RSPH3: variants seen among roughly 807,000 people sequenced by gnomAD.
RSPH3 encodes radial spoke head protein 3 homolog.
A neutral mutation model predicts 43.8 loss-of-function variants in RSPH3; 21 were observed. The observed-to-expected ratio is 0.48, with a 90% CI of 0.34 to 0.69. RSPH3 has a LOEUF of 0.69. Ranked by LOEUF, RSPH3 falls within the 30% of genes least tolerant of loss-of-function variation. The pLI, the probability that RSPH3 is intolerant of heterozygous loss-of-function variation, is 0.01. For synonymous variants in RSPH3, 173 were observed against 179.8 expected, an observed-to-expected ratio of 0.96 and a Z score of 0.30; for missense variants, 487 against 516.0, an observed-to-expected ratio of 0.94 and a Z score of 0.54.
chr6:158,978,067 A>G (rs1777908943), intron 7 of RSPH3, among the ~76,000 whole-genome samples, 193 bp downstream of exon 7: 1 of 152,270 alleles, frequency 6.6e-6, no homozygotes, highest in Non-Finnish European at 1.5e-5. Context: ...GTAATGGCAG[A>G]AGATATTAAT....
At chr6:158,992,291 G>GT (rs1290491670) in intron 2 of RSPH3, among the ~76,000 whole-genome samples, 5 of 151,822 alleles carry the variant, frequency 3.3e-5, no homozygotes, top group African/African-American at 1.2e-4. Flanking sequence ...TTTTGTTTTT[G>GT]TTTTTTGAGA....
chr6:158,990,124 G>A (rs1248766158), intron 2 of RSPH3, among the ~76,000 whole-genome samples: 1 of 152,116 alleles, frequency 6.6e-6, no homozygotes, highest in Non-Finnish European at 1.5e-5. Flanking sequence ...TCCTCAGCCT[G>A]CAGATGGCCT....
At chr6:158,991,386 T>A (rs556062865) in intron 2 of RSPH3, among the ~76,000 whole-genome samples, 6 of 152,164 alleles carry the variant, frequency 3.9e-5, no homozygotes, top group Non-Finnish European at 7.4e-5. Flanking sequence ...CTGAGTGGGG[T>A]TGGAAGTTCA....
chr6:158,966,432 A>G, the RSPH3 span, among the ~76,000 whole-genome samples: 9 of 152,182 alleles, frequency 5.9e-5, no homozygotes, highest in Non-Finnish European at 1.3e-4. Context: ...ACTAGAATTC[A>G]TCGGTGAAGC....
At chr6:158,980,256 G>A (rs1039058128) in intron 6 of RSPH3, among the ~76,000 whole-genome samples, 2 of 152,196 alleles carry the variant, frequency 1.3e-5, no homozygotes, top group East Asian at 1.9e-4. Context: ...GCGAAACCCC[G>A]TCTCTACTAA....
downstream of RSPH3, among the ~76,000 whole-genome samples, chr6:158,972,047 A>C (rs1021966392): frequency 1.3e-5 from 2 of 152,184 alleles, no homozygotes; most frequent in African/African-American, 4.8e-5. Context: ...ATTGGGGTAC[A>C]TGATAGGGCT....
In RSPH3 at chr6:158,982,550, G is replaced by T; in HGVS notation, c.631C>A (p.Arg211=). 6.2e-7 allele frequency: 1 copy of T among 1,613,154 alleles called. No individual in the cohort carries two copies. The highest frequency in any genetic ancestry group is 1.1e-5 in the South Asian group (1 of 91,014). ...RASQREYEEL[R]NSERAEVQRL... is the part of the protein sequence containing the mutation. Reference sequence around the variant, plus strand: ...TGAACTTCAGCACGTTCACTATTCCGTAGTTCTTCATACTCACGCTGACTG... The same window carrying T: ...TGAACTTCAGCACGTTCACTATTCCTTAGTTCTTCATACTCACGCTGACTG... The change falls in exon 5 of 8, where the codon CGG becomes AGG. Residue 211 remains arginine, a synonymous_variant. Transcript: ENST00000367069.
Position 158,986,191 on chromosome 6 carries a change from A to AT in RSPH3, c.346+88dup, listed in dbSNP as rs956618641. 4.4e-5 allele frequency: 56 copies of AT among 1,269,916 alleles called. 1 individual carries two copies. The highest frequency in any genetic ancestry group is 7.4e-5 in the African/African-American group (5 of 67,442). 78.7% of individuals were successfully genotyped at this position (1,269,916 alleles called of 1,614,324 possible). ...AAGTATCAGAGAGCACAGGAGAGGC[A>AT]TAAGTAATACAAAGGCCAAATAAAA... On this transcript the variant is annotated intron_variant, in intron 3 of 7. Transcript: ENST00000367069.
chr6:158,984,573 C>T (rs1361660596), intron 3 of RSPH3, among the ~76,000 whole-genome samples: 1 of 150,198 alleles, frequency 6.7e-6, no homozygotes, highest in Non-Finnish European at 1.5e-5. Context: ...ATTCCCTCTA[C>T]ACTACAGATT....
intron 7 of RSPH3, 112 bp from the exon 8 acceptor site, chr6:158,977,960 T>C: frequency 2.3e-6 from 2 of 888,404 alleles, no homozygotes; most frequent in Non-Finnish European, 3.4e-6. Flanking sequence ...GCCTCATCTC[T>C]TTCCTATGTC....
chr6:159,000,144 G>C lies in RSPH3; in HGVS notation c.-594C>G. On this transcript the variant is annotated 5_prime_UTR_variant, in exon 1 of 8. Transcript: ENST00000367069. The stretch of plus-strand genomic sequence containing the variant: ...GCAGCAGCGCTCCCAGGCTGCCCCC[G>C]CGATAACACGCCCCTGGCAGCCAGG... 4.5e-6 allele frequency: 3 copies of C among 659,448 alleles called. No homozygotes were observed. The highest frequency in any genetic ancestry group is 7.3e-6 in the Non-Finnish European group (3 of 410,758). The allele number at this position is 659,448 out of a possible 1,614,324, so 40.8% of individuals were successfully genotyped here. A position where few individuals can be genotyped will look rare whatever the true frequency, so the allele number is the denominator to read the frequency against.
downstream of RSPH3, among the ~76,000 whole-genome samples, chr6:158,968,861 G>A (rs149415849): frequency 9.2e-5 from 14 of 151,620 alleles, no homozygotes; most frequent in East Asian, 1.8e-3. Context: ...ACAGGTGTGC[G>A]CCACCACACC....
chr6:158,981,201 G>A (rs1451785677), intron 5 of RSPH3, among the ~76,000 whole-genome samples: 1 of 152,142 alleles, frequency 6.6e-6, no homozygotes, highest in Non-Finnish European at 1.5e-5. Context: ...ATGCTTGACA[G>A]TATAGATGGT....
chr6:158,980,939 G>A lies in RSPH3; in HGVS notation c.697-3C>T. Reference sequence around the variant, plus strand: ...CACTGCTGTTTCTTACGCCGTTCCTGCCAAGAACGACAGAGGTGGTTATTT... The same window carrying A: ...CACTGCTGTTTCTTACGCCGTTCCTACCAAGAACGACAGAGGTGGTTATTT... On this transcript the variant is annotated splice_region_variant and splice_polypyrimidine_tract_variant and intron_variant, in intron 5 of 7. Coordinates refer to ENST00000367069, the MANE Select transcript of RSPH3 (RefSeq NM_031924.8). The A allele has an allele frequency of 6.2e-7, 1 of 1,613,736 alleles. No individual in the cohort carries two copies. The highest frequency in any genetic ancestry group is 8.5e-7 in the Non-Finnish European group (1 of 1,179,732).
chr6:158,968,006 A>T (rs552975030), downstream of RSPH3, among the ~76,000 whole-genome samples: 2,706 of 152,230 alleles, frequency 0.018, 33 homozygotes, highest in Middle Eastern at 0.024. Flanking sequence ...GGTTATTTTT[A>T]ATAAAAACCC....
chr6:158,994,006 G>A (rs1778508108), intron 1 of RSPH3, 80 bp from the exon 2 acceptor site: 2 of 708,300 alleles, frequency 2.8e-6, no homozygotes, highest in African/African-American at 1.8e-5. Context: ...ATAGGATTTA[G>A]ACTAAAATCA....
At position 158,993,931 on chromosome 6, in the gene RSPH3, A is replaced by G; in HGVS notation, c.117-5T>C. 6.4e-7 allele frequency: 1 copy of G among 1,568,772 alleles called. No homozygotes were observed. The highest frequency in any genetic ancestry group is 8.8e-7 in the Non-Finnish European group (1 of 1,139,610). On this transcript the variant is annotated splice_region_variant and splice_polypyrimidine_tract_variant and intron_variant, in intron 1 of 7. Transcript: ENST00000367069. ...TAATGCATAGGTTCTTCATCTCTGT[A>G]AAACAGAAAATTCTGTATAACCACT...
chr6:158,981,927 C>A (rs1204233528), intron 5 of RSPH3, among the ~76,000 whole-genome samples: 1 of 152,146 alleles, frequency 6.6e-6, no homozygotes, highest in East Asian at 1.9e-4. Context: ...TGTAAAAAAA[C>A]TGGATTGTAA....
At position 158,978,247 on chromosome 6, in the gene RSPH3, T is replaced by C. The variant is rs765864210; in HGVS notation, c.946+13A>G. The C allele has an allele frequency of 7.8e-6, 11 of 1,401,446 alleles. No individual in the cohort carries two copies. In the South Asian group the frequency reaches 1.2e-4, roughly 15 times the overall value. The allele number at this position is 1,401,446 out of a possible 1,614,324, so 86.8% of individuals were successfully genotyped here. Reference sequence around the variant, plus strand: ...AAAACTTTAGAGATGAATTTTTGGATAAAATAACTTACTGTCAAGCACTGT... The same window carrying C: ...AAAACTTTAGAGATGAATTTTTGGACAAAATAACTTACTGTCAAGCACTGT... On this transcript the variant is annotated intron_variant, in intron 7 of 7. Transcript: ENST00000367069.
Sources: allele counts gnomAD v4.1 joint callset (sites outside exome capture counted in the v4.1 genomes callset), GRCh38; gene constraint gnomAD v4.1.1; transcripts MANE v1.5; gene names NCBI Gene and HGNC (gene_info 2026-07-23, HGNC 2026-07-21).